The following DDX19B variants were observed in gnomAD, a reference collection of about 807,000 sequenced individuals.
DDX19B encodes DEAD-box helicase 19B, also known as ATP-dependent RNA helicase DDX19B.
DDX19B carries 27 observed loss-of-function variants against 58.1 expected under a neutral mutation model. That is an observed-to-expected ratio of 0.46 (90% CI 0.34 to 0.64). The LOEUF is 0.64. DDX19B is among the 30% of genes least tolerant of loss of function. The pLI, the probability that DDX19B is intolerant of heterozygous loss-of-function variation, is 0.01. For missense variants in DDX19B, 399 were observed against 596.5 expected (o/e 0.67, Z 3.45); for synonymous variants, 187 against 214.4 (o/e 0.87, Z 1.12).
At chr16:70,316,264 C>T in intron 4 of DDX19B, 160 bp downstream of exon 4, 1 of 1,015,832 alleles carries the variant, frequency 9.8e-7, no homozygotes. Context: ...GGCTGGAGTG[C>T]AGTAGCGCGA....
upstream of DDX19B, among the ~76,000 whole-genome samples, chr16:70,295,579 C>T (rs1340069480): frequency 1.3e-5 from 2 of 152,058 alleles, no homozygotes; most frequent in East Asian, 1.9e-4. Flanking sequence ...GGCATAGCTG[C>T]TGTCTTCCTG....
upstream of DDX19B, among the ~76,000 whole-genome samples, chr16:70,294,452 G>A (rs1253111469): frequency 6.6e-6 from 1 of 152,186 alleles, no homozygotes; most frequent in African/African-American, 2.4e-5. Flanking sequence ...AATACCAAGG[G>A]TCTAGATTAG....
Position 70,333,980 on chromosome 16 carries a change from G to A in DDX19B, c.*398G>A. On this transcript the variant is annotated 3_prime_UTR_variant, in exon 12 of 12. Coordinates refer to ENST00000288071, the MANE Select transcript of DDX19B (RefSeq NM_007242.7). ...CAGCTCCTGTGGAAGTAATGGAATA[G>A]TGGTGGAAAGGGAACACAGAGAGGG... The A allele has an allele frequency of 3.6e-6, 1 of 275,144 alleles. No individual in the cohort carries two copies. Among genetic ancestry groups the A allele is most frequent in the South Asian group, 4.1e-5 (1 of 24,170 alleles). 17.0% of individuals were successfully genotyped at this position (275,144 alleles called of 1,614,324 possible).
At position 70,333,773 on chromosome 16, in the gene DDX19B, T is replaced by G; in HGVS notation, c.*191T>G. ...ATGATGGGGGATGGTAGAAAAAAAT[T>G]ATTTACACAACCTTGGAAGATTAGG... is the stretch of plus-strand genomic sequence containing the variant. On this transcript the variant is annotated 3_prime_UTR_variant, in exon 12 of 12. Coordinates refer to ENST00000288071, the MANE Select transcript of DDX19B (RefSeq NM_007242.7). 1.3e-6 allele frequency: 1 copy of G among 779,324 alleles called. No individual in the cohort carries two copies. The allele number at this position is 779,324 out of a possible 1,614,324, so 48.3% of individuals were successfully genotyped here. A position where few individuals can be genotyped will look rare whatever the true frequency, so the allele number is the denominator to read the frequency against.
chr16:70,313,574 A>AT (rs1241538725), intron 2 of DDX19B, among the ~76,000 whole-genome samples: 1 of 152,062 alleles, frequency 6.6e-6, no homozygotes, highest in African/African-American at 2.4e-5. Flanking sequence ...ACAAAGACTA[A>AT]TTTTTTTCTT....
rs1373449851 is a variant in DDX19B at position 70,317,552 on chromosome 16, T to C, written c.353T>C (p.Ile118Thr). Residue 118 changes from isoleucine to threonine, a missense_variant, in exon 5 of 12, where the codon ATA becomes ACA. By Grantham distance (89) the Ile-to-Thr change is moderately conservative. Coordinates refer to ENST00000288071, the MANE Select transcript of DDX19B (RefSeq NM_007242.7). ...YAMGFNRPSK[I>T]QENALPLMLA... is the part of the protein sequence containing the mutation. ...ATGGGTTTCAATCGTCCATCCAAGA[T>C]ACAAGAGAACGCATTGCCACTGATG... The C allele has an allele frequency of 1.2e-6, 2 of 1,613,288 alleles. No homozygotes were observed. Among genetic ancestry groups the C allele is most frequent in the African/African-American group, 2.7e-5 (2 of 74,910 alleles).
chr16:70,323,518 G>A (rs1382597454), intron 5 of DDX19B, among the ~76,000 whole-genome samples: 1 of 151,824 alleles, frequency 6.6e-6, no homozygotes, highest in East Asian at 1.9e-4. Context: ...CTGCCTCGTG[G>A]GTTCAAGCGA....
chr16:70,316,371 G>GTCAA (rs1266723587), intron 4 of DDX19B, among the ~76,000 whole-genome samples: 7 of 152,092 alleles, frequency 4.6e-5, no homozygotes, highest in Admixed American at 2.6e-4. Context: ...CACCACGCCT[G>GTCAA]GCTACTTTTT....
chr16:70,300,447 A>T (rs1402050957), intron 1 of DDX19B, among the ~76,000 whole-genome samples: 1 of 152,088 alleles, frequency 6.6e-6, no homozygotes, highest in Non-Finnish European at 1.5e-5. Context: ...CGTGCAAGTG[A>T]TCCACCTGCC....
chr16:70,328,387 A>T (rs1276188518), intron 7 of DDX19B, among the ~76,000 whole-genome samples: 1 of 139,232 alleles, frequency 7.2e-6, no homozygotes, highest in Non-Finnish European at 1.5e-5. Context: ...TTTTTGAGAC[A>T]GAGTCTCAGT....
At chr16:70,308,456 C>G (rs767609407) in intron 1 of DDX19B, among the ~76,000 whole-genome samples, 1 of 151,824 alleles carries the variant, frequency 6.6e-6, no homozygotes, top group South Asian at 2.1e-4. Flanking sequence ...AGGCTGGTCT[C>G]GAACTCCTGA....
intron 9 of DDX19B, among the ~76,000 whole-genome samples, chr16:70,330,856 A>C (rs978161152): frequency 6.6e-6 from 1 of 151,778 alleles, no homozygotes; most frequent in Non-Finnish European, 1.5e-5. Context: ...ACCAGCTTGC[A>C]CAACATAGCA....
chr16:70,324,550 G>A, intron 5 of DDX19B, 35 bp from the exon 6 acceptor site: 1 of 1,583,542 alleles, frequency 6.3e-7, no homozygotes, highest in Non-Finnish European at 8.6e-7. Context: ...AAAAGGTTGA[G>A]ATTTAAGCTC....
At chr16:70,312,363 C>A (rs915370661) in intron 1 of DDX19B, among the ~76,000 whole-genome samples, 1 of 152,020 alleles carries the variant, frequency 6.6e-6, no homozygotes. Context: ...AATTACAATT[C>A]TCTCACAGAA....
Position 70,312,652 on chromosome 16 carries a change from C to A in DDX19B, c.101C>A (p.Thr34Asn). ...AAGGAAGAGAAAATCAAACCAGATA[C>A]CAATGGTAAGTAACTAATAGCTAGT... ...HLKEEKIKPD[T>N]NGAVVKTNAN... Residue 34 changes from threonine to asparagine, a missense_variant, in exon 2 of 12, where the codon ACC becomes AAC. By Grantham distance (65) the Thr-to-Asn change is moderately conservative (BLOSUM62 0). Transcript: ENST00000288071. 6.2e-7 allele frequency: 1 copy of A among 1,611,016 alleles called. No individual in the cohort carries two copies. Among genetic ancestry groups the A allele is most frequent in the South Asian group, 1.1e-5 (1 of 90,760 alleles).
upstream of DDX19B, among the ~76,000 whole-genome samples, chr16:70,297,807 A>G (rs956659580): frequency 2.0e-5 from 3 of 152,082 alleles, no homozygotes; most frequent in African/African-American, 7.2e-5. Flanking sequence ...TGCAGCCTCA[A>G]CCTCCTGGGC....
At position 70,333,637 on chromosome 16, in the gene DDX19B, A is replaced by T; in HGVS notation, c.*55A>T. 6.2e-7 allele frequency: 1 copy of T among 1,613,682 alleles called. No individual in the cohort carries two copies. The highest frequency in any genetic ancestry group is 8.5e-7 in the Non-Finnish European group (1 of 1,179,542). ...TGGCACTGCCCCTGCACAGGAGACA[A>T]GTGCGTTCAGGGCACAGGCCCCGAC... is the stretch of plus-strand genomic sequence containing the variant. On this transcript the variant is annotated 3_prime_UTR_variant, in exon 12 of 12. Transcript: ENST00000288071.
At chr16:70,323,947 G>C (rs1478404325) in intron 5 of DDX19B, among the ~76,000 whole-genome samples, 10 of 152,194 alleles carry the variant, frequency 6.6e-5, no homozygotes, top group Admixed American at 3.9e-4. Flanking sequence ...GGGGACAGTT[G>C]TCCCAAGCAG....
intron 1 of DDX19B, among the ~76,000 whole-genome samples, chr16:70,301,901 T>C (rs996277746): frequency 6.6e-6 from 1 of 151,626 alleles, no homozygotes; most frequent in Admixed American, 6.6e-5. Flanking sequence ...GAATGTTGGA[T>C]CTGTTGGACT....
Sources: gnomAD v4.1 joint callset for allele counts (sites outside exome capture counted in the v4.1 genomes callset) on GRCh38, gnomAD v4.1.1 for gene constraint, MANE v1.5 for transcripts, NCBI Gene and HGNC (gene_info 2026-07-23, HGNC 2026-07-21) for gene names.